The following WDR46 variants were observed in gnomAD, a reference collection of about 807,000 sequenced individuals.
WDR46 encodes the protein WD repeat domain 46, also known as WD repeat-containing protein 46.
In WDR46, 58 loss-of-function variants were observed where a neutral mutation model predicts 74.7. That is an observed-to-expected ratio of 0.78 (90% CI 0.63 to 0.97). The LOEUF (loss-of-function observed/expected upper bound fraction) is 0.97. WDR46 is among the 50% of genes least tolerant of loss of function. WDR46 has a pLI of 0.00. For synonymous variants in WDR46, 278 were observed against 297.3 expected (o/e 0.93, Z 0.67); for missense variants, 702 against 790.1 (o/e 0.89, Z 1.34).
rs1332161508 is a variant in WDR46, at chr6:33,288,890, T to C, written c.193A>G (p.Lys65Glu). The change falls in exon 2 of 15, where the codon AAG (lysine) becomes GAG (glutamate). Residue 65 changes from lysine to glutamate, a missense_variant. Physicochemically the swap from Lys to Glu is moderately conservative, Grantham distance 56. Transcript: ENST00000374617. ...PQRPKNAYIL[K>E]KSRISKKPQV... ...GGCTTCTTAGAGATCCGAGACTTCTTTAAGATGTAAGCATTTTTTGGTCTC... is the reference window on the plus strand; with the variant it reads ...GGCTTCTTAGAGATCCGAGACTTCTCTAAGATGTAAGCATTTTTTGGTCTC... The C allele has an allele frequency of 6.2e-7, 1 of 1,613,878 alleles. No individual in the cohort carries two copies. The highest frequency in any genetic ancestry group is 8.5e-7 in the Non-Finnish European group (1 of 1,180,002).
chr6:33,279,829 G>T lies in WDR46; in HGVS notation c.1555C>A (p.Arg519=). 6.2e-7 allele frequency: 1 copy of T among 1,614,044 alleles called. No individual in the cohort carries two copies. Among genetic ancestry groups the T allele is most frequent in the Non-Finnish European group, 8.5e-7 (1 of 1,179,976 alleles). ...VPAELICLDP[R]ALAEVDVISL... ...ATGACATCCACCTCGGCCAGGGCTC[G>T]TGGGTCCAGACAAATAAGCTCTGCA... The change falls in exon 13 of 15, where the codon CGA becomes AGA. Residue 519 remains arginine, a synonymous_variant. Transcript: ENST00000374617.
intron 8 of WDR46, 29 bp downstream of exon 8, chr6:33,287,326 A>T: frequency 1.2e-6 from 2 of 1,611,680 alleles, no homozygotes; most frequent in Non-Finnish European, 8.5e-7. Flanking sequence ...AGGGCTTCCA[A>T]CCAGTTCCTG....
intron 2 of WDR46, 32 bp from the exon 3 acceptor site, chr6:33,288,726 G>C: frequency 6.2e-7 from 1 of 1,613,166 alleles, no homozygotes; most frequent in Non-Finnish European, 8.5e-7. Context: ...TTAGCAGACA[G>C]CCTTGGATTG....
At chr6:33,285,296 G>C (rs1242562334) in intron 10 of WDR46, among the ~76,000 whole-genome samples, 1 of 151,760 alleles carries the variant, frequency 6.6e-6, no homozygotes, top group Non-Finnish European at 1.5e-5. Flanking sequence ...TTAACCTCCT[G>C]GGCTGAGGTG....
rs780103843 is a variant in WDR46, at chr6:33,288,971, C to G, written c.112G>C (p.Ala38Pro). 1 of 1,614,006 alleles carries G rather than the reference C, an allele frequency of 6.2e-7. No homozygotes were observed. Among genetic ancestry groups the G allele is most frequent in the Non-Finnish European group, 8.5e-7 (1 of 1,180,046 alleles). Residue 38 changes from alanine to proline, a missense_variant, in exon 2 of 15, where the codon GCC (alanine) becomes CCC (proline). Coordinates refer to ENST00000374617, the MANE Select transcript of WDR46 (RefSeq NM_005452.6). ...YWEEETVPTT[A>P]GASPGPPRNK... ...CGAGGAGGCCCTGGAGAGGCTCCGG[C>G]TGTGGTCGGAACGGTCTCTTCCTCC...
intron 10 of WDR46, among the ~76,000 whole-genome samples, chr6:33,281,703 T>G (rs1230472001): frequency 6.6e-6 from 1 of 152,174 alleles, no homozygotes; most frequent in African/African-American, 2.4e-5. Flanking sequence ...CTCAGGGAAG[T>G]GGTGAAGTAA....
chr6:33,280,990 G>A lies in WDR46; in HGVS notation c.1116-3C>T. ...CTAGGCCAGAGGTGGCCATGTACCT[G>A]GTGAGAGAAGAGGGATCAATTAATA... On this transcript the variant is annotated splice_polypyrimidine_tract_variant and splice_region_variant and intron_variant, in intron 10 of 14. Transcript: ENST00000374617. 6.3e-7 allele frequency: 1 copy of A among 1,593,856 alleles called. No individual in the cohort carries two copies. The highest frequency in any genetic ancestry group is 8.6e-7 in the Non-Finnish European group (1 of 1,168,108).
chr6:33,280,167 G>A (rs1007121550), intron 12 of WDR46, among the ~76,000 whole-genome samples: 1 of 150,218 alleles, frequency 6.7e-6, no homozygotes, highest in Admixed American at 6.6e-5. Flanking sequence ...CTCCAGCAGG[G>A]GGAATCTCAC....
At chr6:33,284,836 A>G (rs1766479365) in intron 10 of WDR46, 1 of 153,700 alleles carries the variant, frequency 6.5e-6, no homozygotes. Context: ...GAACGGGGCC[A>G]CACTATTTAC....
chr6:33,281,977 G>A (rs1402850799), intron 10 of WDR46, among the ~76,000 whole-genome samples: 1 of 152,190 alleles, frequency 6.6e-6, no homozygotes, highest in Non-Finnish European at 1.5e-5. Context: ...GGGATTACAG[G>A]CATGCGCCAC....
At chr6:33,281,245 T>G (rs1766157383) in intron 10 of WDR46, among the ~76,000 whole-genome samples, 1 of 152,172 alleles carries the variant, frequency 6.6e-6, no homozygotes. Context: ...GGCCTGTCTC[T>G]TTAGCATCTG....
Position 33,279,810 on chromosome 6 carries a change from T to C in WDR46, c.1574A>G (p.Asp525Gly). 1 of 1,614,000 alleles carries C rather than the reference T, an allele frequency of 6.2e-7. No homozygotes were observed. The highest frequency in any genetic ancestry group is 8.5e-7 in the Non-Finnish European group (1 of 1,179,976). The change falls in exon 13 of 15, where the codon GAT becomes GGT. Residue 525 changes from aspartate to glycine, a missense_variant. Physicochemically the swap from Asp to Gly is moderately conservative, Grantham distance 94. Coordinates refer to ENST00000374617, the MANE Select transcript of WDR46 (RefSeq NM_005452.6). The part of the protein sequence containing the change: ...CLDPRALAEV[D>G]VISLEQGKKE... ...CTTTCCCTGCTCCAGGGAGATGACA[T>C]CCACCTCGGCCAGGGCTCGTGGGTC...
In WDR46 at chr6:33,288,793, C is replaced by G. The variant is rs201771564; in HGVS notation, c.279+11G>C. 103 of 1,614,054 alleles carry G rather than the reference C, an allele frequency of 6.4e-5. No homozygotes were observed. In the African/African-American group the frequency reaches 1.3e-3, roughly 20 times the overall value. ...CGGCCTGCCTCGCCACCCATCAGGTCCCACGCTCACCCCGGACAAGCCGCG... is the reference window on the plus strand; with the variant it reads ...CGGCCTGCCTCGCCACCCATCAGGTGCCACGCTCACCCCGGACAAGCCGCG... On this transcript the variant is annotated intron_variant, in intron 2 of 14. Coordinates refer to ENST00000374617, the MANE Select transcript of WDR46 (RefSeq NM_005452.6).
chr6:33,286,995 G>A, intron 9 of WDR46, 96 bp downstream of exon 9: 1 of 1,583,452 alleles, frequency 6.3e-7, no homozygotes, highest in Non-Finnish European at 8.6e-7. Context: ...AACAAAAAAG[G>A]GAAATAAAAG....
rs2150895338 is a variant in WDR46, at chr6:33,280,697, C to T, written c.1406G>A (p.Gly469Asp). The change falls in exon 11 of 15, where the codon GGC becomes GAC. Residue 469 changes from glycine to aspartate, a missense_variant. Gly to Asp is a moderately conservative substitution (Grantham distance 94). Transcript: ENST00000374617. ...EDVLGVGHTG[G>D]ITSMLVPGAG... ...ACCAGGGACCAGCATGCTGGTGATG[C>T]CCCCAGTGTGCCCCACCCCCAGCAC... The T allele has an allele frequency of 1.3e-6, 2 of 1,587,140 alleles. No homozygotes were observed. Among genetic ancestry groups the T allele is most frequent in the Non-Finnish European group, 8.6e-7 (1 of 1,164,022 alleles).
intron 5 of WDR46, 55 bp from the exon 6 acceptor site, chr6:33,288,081 G>GC: frequency 6.2e-7 from 1 of 1,613,666 alleles, no homozygotes; most frequent in Non-Finnish European, 8.5e-7. Flanking sequence ...CCTTCTTCTA[G>GC]CCCCCATTCC....
intron 7 of WDR46, 29 bp from the exon 8 acceptor site, chr6:33,287,534 G>A (rs773669222): frequency 1.2e-6 from 2 of 1,613,510 alleles, no homozygotes; most frequent in Non-Finnish European, 1.7e-6. Context: ...GGTTCAATTG[G>A]GAAATGAGGT....
At position 33,288,002 on chromosome 6, in the gene WDR46, A is replaced by C. The variant is rs781568294; in HGVS notation, c.586T>G (p.Phe196Val). ...AKHFDLNLRQ[F>V]GPYRLNYSRT... is the part of the protein sequence containing the mutation. ...GAGTAGTTTAGTCTGTAGGGTCCAAACTGCCGCAGATTCAAGTCAAAGTGC... is the reference window on the plus strand; with the variant it reads ...GAGTAGTTTAGTCTGTAGGGTCCAACCTGCCGCAGATTCAAGTCAAAGTGC... Residue 196 changes from phenylalanine to valine, a missense_variant, in exon 6 of 15, where the codon TTT (phenylalanine) becomes GTT (valine). Physicochemically the swap from Phe to Val is conservative, Grantham distance 50 (BLOSUM62 -1). Transcript: ENST00000374617. 2.5e-6 allele frequency: 4 copies of C among 1,614,042 alleles called. No homozygotes were observed. In the East Asian group the frequency reaches 8.9e-5, roughly 36 times the overall value.
In WDR46 at chr6:33,287,411, A is replaced by G; in HGVS notation, c.823T>C (p.Cys275Arg). ...AACTCAAGCCGTGTTACTCGGTCACAGCGGCGGATACAGTGGAGCTCAATG... is the reference window on the plus strand; with the variant it reads ...AACTCAAGCCGTGTTACTCGGTCACGGCGGCGGATACAGTGGAGCTCAATG... Reference protein sequence around the residue: ...QGIELHCIRRCDRVTRLEFLP... With the variant: ...QGIELHCIRRRDRVTRLEFLP... Residue 275 changes from cysteine (C) to arginine (R), a missense_variant, in exon 8 of 15, where the codon TGT becomes CGT. By Grantham distance (180) the Cys-to-Arg change is radical. Coordinates refer to ENST00000374617, the MANE Select transcript of WDR46 (RefSeq NM_005452.6). The G allele has an allele frequency of 6.2e-7, 1 of 1,612,362 alleles. No homozygotes were observed. The highest frequency in any genetic ancestry group is 8.5e-7 in the Non-Finnish European group (1 of 1,179,774).
Sources: gnomAD v4.1 joint callset for allele counts (sites outside exome capture counted in the v4.1 genomes callset) on GRCh38, gnomAD v4.1.1 for gene constraint, MANE v1.5 for transcripts, NCBI Gene and HGNC (gene_info 2026-07-23, HGNC 2026-07-21) for gene names.